EHD3: variants seen among roughly 807,000 people sequenced by gnomAD.
EHD3 encodes the protein EH domain containing 3.
A neutral mutation model predicts 43.0 loss-of-function variants in EHD3; 17 were observed. The observed-to-expected ratio is 0.40, with a 90% CI of 0.27 to 0.59. The LOEUF (loss-of-function observed/expected upper bound fraction) is 0.59, where lower values mean the gene tolerates loss of function less well. Ranked by LOEUF, EHD3 falls within the 20% of genes least tolerant of loss-of-function variation. The pLI, the probability that EHD3 is intolerant of heterozygous loss-of-function variation, is 0.49. For synonymous variants in EHD3, 313 were observed against 289.5 expected (o/e 1.08, Z -0.82); for missense variants, 594 against 705.6 (o/e 0.84, Z 1.79).
chr2:31,254,673 TG>T (rs1302977868), intron 3 of EHD3, among the ~76,000 whole-genome samples: 2 of 152,160 alleles, frequency 1.3e-5, no homozygotes, highest in Non-Finnish European at 2.9e-5. Flanking sequence ...CGCAAGTAAG[TG>T]CCTGGTTTGA....
At chr2:31,251,117 TGGTGCAGGCCCTTGGCCCA>T (rs1683626768) in intron 3 of EHD3, among the ~76,000 whole-genome samples, 1 of 152,210 alleles carries the variant, frequency 6.6e-6, no homozygotes, top group Admixed American at 6.5e-5. Flanking sequence ...GAGGCCCAAG[TGGTGCAGGCCCTTGGCCCA>T]GGTGCAGGCC....
At chr2:31,237,318 TATATAA>T (rs1350775603) in intron 1 of EHD3, among the ~76,000 whole-genome samples, 16 of 151,758 alleles carry the variant, frequency 1.1e-4, no homozygotes, top group African/African-American at 3.9e-4. Flanking sequence ...ATATAATTTA[TATATAA>T]ATATATTTCC....
chr2:31,243,444 C>T (rs796412747), intron 1 of EHD3, among the ~76,000 whole-genome samples: 5 of 81,914 alleles, frequency 6.1e-5, no homozygotes, highest in Admixed American at 1.6e-4. Flanking sequence ...TTCTTTCTTT[C>T]TTTCTTTCTT....
chr2:31,264,570 C>CT (rs768723689), intron 5 of EHD3, among the ~76,000 whole-genome samples: 2 of 125,602 alleles, frequency 1.6e-5, no homozygotes, highest in African/African-American at 3.1e-5. Flanking sequence ...GAGTCTCACT[C>CT]TGTTGCTAGG....
At chr2:31,258,133 G>T (rs1379820819) in intron 3 of EHD3, among the ~76,000 whole-genome samples, 1 of 152,160 alleles carries the variant, frequency 6.6e-6, no homozygotes, top group African/African-American at 2.4e-5. Context: ...ATGGCAATGG[G>T]AATGCTTGGA....
Position 31,268,318 on chromosome 2 carries a change from G to C in EHD3, c.*1614G>C, listed in dbSNP as rs948454676. 6.5e-6 allele frequency: 1 copy of C among 152,694 alleles called. No homozygotes were observed. Among genetic ancestry groups the C allele is most frequent in the East Asian group, 1.9e-4 (1 of 5,202 alleles). 9.5% of individuals were successfully genotyped at this position (152,694 alleles called of 1,614,324 possible). On this transcript the variant is annotated 3_prime_UTR_variant, in exon 6 of 6. Coordinates refer to ENST00000322054, the MANE Select transcript of EHD3 (RefSeq NM_014600.3). ...TCAGACTATATAGAGAATATTCTAT[G>C]CATCTATGACGTGCTTACTACTGCA...
At chr2:31,245,553 A>ATAT (rs1446415610) in intron 2 of EHD3, among the ~76,000 whole-genome samples, 4 of 35,070 alleles carry the variant, frequency 1.1e-4, no homozygotes, top group Admixed American at 4.2e-4. Context: ...ATATATATAT[A>ATAT]TTTTTTTTTT....
chr2:31,258,760 T>G (rs1470775764), intron 3 of EHD3, among the ~76,000 whole-genome samples: 3 of 152,232 alleles, frequency 2.0e-5, no homozygotes, highest in African/African-American at 4.8e-5. Flanking sequence ...GCTATTGTTA[T>G]TTTTATGGGC....
chr2:31,266,384 G>C lies in EHD3; in HGVS notation c.1288G>C (p.Ala430Pro), dbSNP rs1005585064. 5 of 1,614,144 alleles carry C rather than the reference G, an allele frequency of 3.1e-6. No homozygotes were observed. In the South Asian group the frequency reaches 5.5e-5, roughly 18 times the overall value. Residue 430 changes from alanine (A) to proline (P), a missense_variant, in exon 6 of 6, where the codon GCT becomes CCT. Ala to Pro is a conservative substitution (Grantham distance 27, BLOSUM62 -1). Transcript: ENST00000322054. The surrounding 1 kb of genome is among the most constrained non-coding windows in gnomAD (Gnocchi z 5.1). ...GPFGHGYGEGAGEGIDDAEWV... is the reference protein window; with the variant it reads ...GPFGHGYGEGPGEGIDDAEWV... The stretch of plus-strand genomic sequence containing the variant: ...CTTTGGGCATGGCTATGGGGAGGGG[G>C]CTGGAGAAGGTATCGATGATGCTGA...
rs1403696142 is a variant in EHD3, at chr2:31,260,237, T to G, written c.503-273T>G. Among the ~76,000 whole-genome samples, 5 of 152,182 alleles carry G rather than the reference T, an allele frequency of 3.3e-5. No homozygotes were observed. Among genetic ancestry groups the G allele is most frequent in the African/African-American group, 1.2e-4 (5 of 41,436 alleles). On this transcript the variant is annotated intron_variant, in intron 3 of 5. Coordinates refer to ENST00000322054, the MANE Select transcript of EHD3 (RefSeq NM_014600.3). The surrounding 1 kb of genome is among the most constrained non-coding windows in gnomAD (Gnocchi z 4.6). ...TAACTAGCATTTACTGAGCACCTACTAAGTGCCGGATTCTAAGAGTATTTA... is the reference window on the plus strand; with the variant it reads ...TAACTAGCATTTACTGAGCACCTACGAAGTGCCGGATTCTAAGAGTATTTA...
intron 2 of EHD3, among the ~76,000 whole-genome samples, chr2:31,245,731 T>TTG (rs1558648016): frequency 4.2e-4 from 61 of 144,610 alleles, no homozygotes; most frequent in South Asian, 2.9e-3. Context: ...CCGACTAATT[T>TTG]TGTGTTTTTT....
chr2:31,261,696 A>G lies in EHD3; in HGVS notation c.1063A>G (p.Asn355Asp). The G allele has an allele frequency of 6.2e-7, 1 of 1,614,212 alleles. No homozygotes were observed. The highest frequency in any genetic ancestry group is 8.5e-7 in the Non-Finnish European group (1 of 1,180,034). Residue 355 changes from asparagine (N) to aspartate (D), a missense_variant, in exon 5 of 6, where the codon AAT (asparagine) becomes GAT (aspartate). Transcript: ENST00000322054. ...EHQISPGDFPNLKRMQDQLQA... is the reference protein window; with the variant it reads ...EHQISPGDFPDLKRMQDQLQA... The stretch of plus-strand genomic sequence containing the variant: ...CCAGATCTCACCTGGGGACTTCCCC[A>G]ATCTGAAGAGGATGCAGGTAGCGAG...
In EHD3 at chr2:31,266,096, G is replaced by T; in HGVS notation, c.1081-81G>T. On this transcript the variant is annotated intron_variant, in intron 5 of 5. Coordinates refer to ENST00000322054, the MANE Select transcript of EHD3 (RefSeq NM_014600.3). This position sits in a 1 kb window ranked among gnomAD's most constrained non-coding sequence, Gnocchi z 5.1. ...AAAGGGATCAGCTGTGAACATTCTG[G>T]TGCTCATAGGAGGCACGTGATAAAT... 3 of 1,482,750 alleles carry T rather than the reference G, an allele frequency of 2.0e-6. No individual in the cohort carries two copies. Among genetic ancestry groups the T allele is most frequent in the African/African-American group, 2.8e-5 (2 of 71,600 alleles). The allele number at this position is 1,482,750 out of a possible 1,614,324, so 91.8% of individuals were successfully genotyped here.
chr2:31,258,401 G>A (rs776499440), intron 3 of EHD3, among the ~76,000 whole-genome samples: 12 of 152,104 alleles, frequency 7.9e-5, no homozygotes, highest in Non-Finnish European at 1.5e-4. Flanking sequence ...GCCACAGGGT[G>A]GGGGAAAGGC....
chr2:31,245,903 C>T (rs968717502), intron 2 of EHD3, among the ~76,000 whole-genome samples: 1 of 151,866 alleles, frequency 6.6e-6, no homozygotes. Context: ...TTTTATAAAC[C>T]TATGAACTTG....
In EHD3 at chr2:31,266,771, CA is replaced by C; in HGVS notation, c.*68del. 1 of 1,341,544 alleles carries C rather than the reference CA, an allele frequency of 7.5e-7. No individual in the cohort carries two copies. Among genetic ancestry groups the C allele is most frequent in the Non-Finnish European group, 1.0e-6 (1 of 994,912 alleles). The allele number at this position is 1,341,544 out of a possible 1,614,324, so 83.1% of individuals were successfully genotyped here. On this transcript the variant is annotated 3_prime_UTR_variant, in exon 6 of 6. Transcript: ENST00000322054. The surrounding 1 kb of genome is among the most constrained non-coding windows in gnomAD (Gnocchi z 5.1). ...GATGGGAGCGGTGACTACACACACA[CA>C]CACACACACACACACACACACAAAC...
intron 5 of EHD3, among the ~76,000 whole-genome samples, chr2:31,265,596 A>T (rs927871041): frequency 2.6e-5 from 4 of 152,188 alleles, no homozygotes; most frequent in Non-Finnish European, 4.4e-5. Context: ...GGCTTCTGTT[A>T]TGATTTGGTT....
chr2:31,244,261 T>C lies in EHD3; in HGVS notation c.228-13T>C, dbSNP rs759982458. Reference sequence around the variant, plus strand: ...CAGAACGCCTGCATTAGGACTGTGCTTCTTCCTGCTAGGTACCTGCTGGAA... The same window carrying C: ...CAGAACGCCTGCATTAGGACTGTGCCTCTTCCTGCTAGGTACCTGCTGGAA... On this transcript the variant is annotated splice_polypyrimidine_tract_variant and intron_variant, in intron 1 of 5. Transcript: ENST00000322054. The C allele has an allele frequency of 2.5e-6, 4 of 1,611,392 alleles. No homozygotes were observed. The East Asian group carries it at 6.7e-5, about 27-fold the overall frequency.
chr2:31,245,553 A>ATATT (rs1446415610), intron 2 of EHD3, among the ~76,000 whole-genome samples: 10 of 35,066 alleles, frequency 2.9e-4, no homozygotes, highest in African/African-American at 8.1e-4. Flanking sequence ...ATATATATAT[A>ATATT]TTTTTTTTTT....
Sources: allele counts gnomAD v4.1 joint callset (sites outside exome capture counted in the v4.1 genomes callset), GRCh38; gene constraint gnomAD v4.1.1; non-coding constraint Gnocchi (gnomAD v3.1); transcripts MANE v1.5; gene names NCBI Gene and HGNC (gene_info 2026-07-23, HGNC 2026-07-21).